The following GGA1 variants were observed in gnomAD, a reference collection of about 807,000 sequenced individuals.
GGA1 encodes golgi associated, gamma adaptin ear containing, ARF binding protein 1.
In GGA1, 18 loss-of-function variants were observed where a neutral mutation model predicts 76.9. That is an observed-to-expected ratio of 0.23 (90% CI 0.16 to 0.35). The LOEUF is 0.35. Ranked by LOEUF, GGA1 falls within the 10% of genes least tolerant of loss-of-function variation. GGA1 has a pLI of 1.00. For synonymous variants in GGA1, 342 were observed against 354.7 expected (o/e 0.96, Z 0.40); for missense variants, 755 against 859.0 (o/e 0.88, Z 1.51).
chr22:37,626,002 T>G (rs1179276717), intron 11 of GGA1, 53 bp downstream of exon 11: 2 of 1,457,556 alleles, frequency 1.4e-6, no homozygotes, highest in Non-Finnish European at 1.9e-6. Context: ...AGATGGGGCA[T>G]GATCCCAGGG....
rs745918798 is a variant in GGA1 at position 37,620,936 on chromosome 22, A to G, written c.528+23A>G. On this transcript the variant is annotated intron_variant, in intron 6 of 16. Coordinates refer to ENST00000343632, the MANE Select transcript of GGA1 (RefSeq NM_013365.5). ...AAGGTGAGACTCCAAGGAGGCACATATGGGGACTCTGAGCCCAGGTGGGGG... is the reference window on the plus strand; with the variant it reads ...AAGGTGAGACTCCAAGGAGGCACATGTGGGGACTCTGAGCCCAGGTGGGGG... 27 of 1,444,902 alleles carry G rather than the reference A, an allele frequency of 1.9e-5. No homozygotes were observed. In the African/African-American group the frequency reaches 3.1e-4, roughly 16 times the overall value. 89.5% of individuals were successfully genotyped at this position (1,444,902 alleles called of 1,614,324 possible). A position where few individuals can be genotyped will look rare whatever the true frequency, so the allele number is the denominator to read the frequency against.
At position 37,623,353 on chromosome 22, in the gene GGA1, G is replaced by C; in HGVS notation, c.636G>C (p.Ser212=). ...QEDQKRMEKI[S]KRVNAIEEVN... is the part of the protein sequence containing the mutation. ...ACCAGAAGCGGATGGAGAAGATCTC[G>C]AAGAGGGTGAATGCCATCGAGGAGG... is the stretch of plus-strand genomic sequence containing the variant. The change falls in exon 8 of 17, where the codon TCG becomes TCC. Residue 212 remains serine (S), a synonymous_variant. Transcript: ENST00000343632. The surrounding 1 kb of genome is among the most constrained non-coding windows in gnomAD (Gnocchi z 4.6). 1 of 1,614,020 alleles carries C rather than the reference G, an allele frequency of 6.2e-7. No individual in the cohort carries two copies. Among genetic ancestry groups the C allele is most frequent in the Non-Finnish European group, 8.5e-7 (1 of 1,179,920 alleles).
Position 37,633,185 on chromosome 22 carries a change from G to C in GGA1, c.*474G>C, listed in dbSNP as rs913618462. ...TCCATAGGAACCCAGTGACTGGGGG[G>C]TGACGCCTACACCCCCAGCTATTTG... On this transcript the variant is annotated 3_prime_UTR_variant, in exon 17 of 17. Transcript: ENST00000343632. 2 of 157,854 alleles carry C rather than the reference G, an allele frequency of 1.3e-5. No homozygotes were observed. Among genetic ancestry groups the C allele is most frequent in the African/African-American group, 4.8e-5 (2 of 41,550 alleles). The allele number at this position is 157,854 out of a possible 1,614,324, so 9.8% of individuals were successfully genotyped here. A position where few individuals can be genotyped will look rare whatever the true frequency, so the allele number is the denominator to read the frequency against.
chr22:37,615,487 CG>C lies in GGA1; in HGVS notation c.128+1216del, dbSNP rs1928602290. 2.0e-5 allele frequency among the ~76,000 whole-genome samples: 3 copies of C among 151,938 alleles called. No individual in the cohort carries two copies. In the South Asian group the frequency reaches 6.2e-4, roughly 32 times the overall value. ...ATAAATAAATAATAAAAAATAAGGC[CG>C]GGTGTGGTGGCTTACGTCTATAATC... On this transcript the variant is annotated intron_variant, in intron 2 of 16. Transcript: ENST00000343632.
At chr22:37,616,856 G>A in intron 2 of GGA1, 66 bp from the exon 3 acceptor site, 2 of 1,477,352 alleles carry the variant, frequency 1.4e-6, no homozygotes, top group Non-Finnish European at 1.8e-6. Context: ...AGCGGCCTGG[G>A]GTCGTGGCCC....
rs1926890859 is a variant in GGA1 at position 37,608,855 on chromosome 22, T to G, written c.-6T>G. The G allele has an allele frequency of 2.3e-6, 3 of 1,300,698 alleles. No individual in the cohort carries two copies. The highest frequency in any genetic ancestry group is 2.9e-6 in the Non-Finnish European group (3 of 1,026,164). 80.6% of individuals were successfully genotyped at this position (1,300,698 alleles called of 1,614,324 possible). On this transcript the variant is annotated 5_prime_UTR_variant, in exon 1 of 17. Coordinates refer to ENST00000343632, the MANE Select transcript of GGA1 (RefSeq NM_013365.5). ...GGGCGGTGCCGAGGCTGGGGGCCGG[T>G]GGCGGATGGAGCCCGCGATGGAGCC...
At chr22:37,631,797 G>A (rs1410154973) in intron 14 of GGA1, among the ~76,000 whole-genome samples, 199 bp from the exon 15 acceptor site, 1 of 152,178 alleles carries the variant, frequency 6.6e-6, no homozygotes, top group African/African-American at 2.4e-5. Context: ...TCAGACTGGG[G>A]GTTCACCTGC....
In GGA1 at chr22:37,625,458, T is replaced by TG. The variant is rs532166783; in HGVS notation, c.941-333dup. 1.6e-4 allele frequency among the ~76,000 whole-genome samples: 24 copies of TG among 151,900 alleles called. No homozygotes were observed. In the East Asian group the frequency reaches 2.9e-3, roughly 18 times the overall value. On this transcript the variant is annotated intron_variant, in intron 10 of 16. Coordinates refer to ENST00000343632, the MANE Select transcript of GGA1 (RefSeq NM_013365.5). The surrounding 1 kb of genome is among the most constrained non-coding windows in gnomAD (Gnocchi z 4.1). ...TCTAATAAGGGTAAGATGGCAGCCT[T>TG]GGGGGGTCACAAAAGGGGTTAGAAT...
At position 37,616,878 on chromosome 22, in the gene GGA1, G is replaced by A. The variant is rs1928898119; in HGVS notation, c.129-44G>A. 3.2e-6 allele frequency: 5 copies of A among 1,549,022 alleles called. No homozygotes were observed. The East Asian group carries it at 9.6e-5, about 30-fold the overall frequency. On this transcript the variant is annotated intron_variant, in intron 2 of 16. Transcript: ENST00000343632. ...TGGGGTCGTGGCCCTAGGGTGACCG[G>A]GACTCCGTGGCGACTCTGGCTCTGT...
In GGA1 at chr22:37,608,917, A is replaced by AG. The variant is rs1244563842; in HGVS notation, c.43+18dup. The AG allele has an allele frequency of 2.3e-5, 30 of 1,296,576 alleles. No homozygotes were observed. Among genetic ancestry groups the AG allele is most frequent in the Non-Finnish European group, 2.6e-5 (27 of 1,024,322 alleles). The allele number at this position is 1,296,576 out of a possible 1,614,324, so 80.3% of individuals were successfully genotyped here. A position where few individuals can be genotyped will look rare whatever the true frequency, so the allele number is the denominator to read the frequency against. ...AGGCGCGAATCAGTGAGTGTCCGGG[A>AG]GGGGCGCGGGCCGGACCGGAACCGG... On this transcript the variant is annotated intron_variant, in intron 1 of 16. Coordinates refer to ENST00000343632, the MANE Select transcript of GGA1 (RefSeq NM_013365.5).
chr22:37,621,669 T>C lies in GGA1; in HGVS notation c.582T>C (p.Asn194=), dbSNP rs960481770. 4 of 1,555,936 alleles carry C rather than the reference T, an allele frequency of 2.6e-6. No individual in the cohort carries two copies. The highest frequency in any genetic ancestry group is 1.9e-5 in the Admixed American group (1 of 51,322). The change falls in exon 7 of 17, where the codon AAT becomes AAC. Residue 194 remains asparagine (N), a synonymous_variant. Coordinates refer to ENST00000343632, the MANE Select transcript of GGA1 (RefSeq NM_013365.5). ...SSHPEDLRAA[N]KLIKEMVQED... ...ATCCCGAAGACCTCCGCGCAGCCAATAAGCTCATCAAAGAGATGGTGCAGG... is the reference window on the plus strand; with the variant it reads ...ATCCCGAAGACCTCCGCGCAGCCAACAAGCTCATCAAAGAGATGGTGCAGG...
At position 37,629,479 on chromosome 22, in the gene GGA1, C is replaced by A; in HGVS notation, c.1111C>A (p.Pro371Thr). 1.3e-6 allele frequency: 2 copies of A among 1,591,912 alleles called. No homozygotes were observed. Among genetic ancestry groups the A allele is most frequent in the Middle Eastern group, 1.7e-4 (1 of 5,992 alleles). Residue 371 changes from proline (P) to threonine (T), a missense_variant, in exon 12 of 17, where the codon CCC becomes ACC. By Grantham distance (38) the Pro-to-Thr change is conservative. Transcript: ENST00000343632. Reference protein sequence around the residue: ...LMSLGLSDPTPPSGPSLDGTG... With the variant: ...LMSLGLSDPTTPSGPSLDGTG... ...CCCCTCAGGCCTCAGTGACCCCACACCCCCTTCAGGCCCAAGCCTGGATGG... is the reference window on the plus strand; with the variant it reads ...CCCCTCAGGCCTCAGTGACCCCACAACCCCTTCAGGCCCAAGCCTGGATGG...
chr22:37,612,391 G>C (rs897595701), intron 1 of GGA1: 2 of 147,390 alleles, frequency 1.4e-5, no homozygotes, highest in Admixed American at 1.4e-4. Flanking sequence ...AGAATGGCGT[G>C]AACCTGGGAG....
chr22:37,625,073 C>T lies in GGA1; in HGVS notation c.937C>T (p.Pro313Ser). ...VNGDATAGSI[P>S]GSTSALLDLS... ...CGGTGATGCCACAGCCGGCTCCATC[C>T]CTGGTGAGGAGGTGGCAGGAGAGCT... The change falls in exon 10 of 17, where the codon CCT becomes TCT. Residue 313 changes from proline (P) to serine (S), a missense_variant. Pro to Ser is a moderately conservative substitution (Grantham distance 74). Coordinates refer to ENST00000343632, the MANE Select transcript of GGA1 (RefSeq NM_013365.5). The surrounding 1 kb of genome is among the most constrained non-coding windows in gnomAD (Gnocchi z 4.1). 1.3e-6 allele frequency: 2 copies of T among 1,589,394 alleles called. No individual in the cohort carries two copies. Among genetic ancestry groups the T allele is most frequent in the Non-Finnish European group, 1.7e-6 (2 of 1,168,322 alleles).
At chr22:37,612,969 C>T in intron 1 of GGA1, 1 of 985,146 alleles carries the variant, frequency 1.0e-6, no homozygotes. Flanking sequence ...ATTCAGTCTT[C>T]CCCAGAACCT....
Position 37,630,923 on chromosome 22 carries a change from C to T in GGA1, c.1352C>T (p.Pro451Leu). 6.2e-7 allele frequency: 1 copy of T among 1,611,894 alleles called. No homozygotes were observed. The highest frequency in any genetic ancestry group is 8.5e-7 in the Non-Finnish European group (1 of 1,179,400). Residue 451 changes from proline to leucine, a missense_variant, in exon 14 of 17, where the codon CCC (proline) becomes CTC (leucine). Pro to Leu is a moderately conservative substitution (Grantham distance 98, BLOSUM62 -3). Coordinates refer to ENST00000343632, the MANE Select transcript of GGA1 (RefSeq NM_013365.5). ...TTAAGGGAGAAGCAGCAGCCAACCC[C>T]CCGGCTCACACTCCGGGACCTGCAG... ...QVRWEKQQPTPRLTLRDLQNK... is the reference protein window; with the variant it reads ...QVRWEKQQPTLRLTLRDLQNK...
At chr22:37,609,065 A>T (rs1476142730) in intron 1 of GGA1, 162 bp downstream of exon 1, 5 of 1,487,472 alleles carry the variant, frequency 3.4e-6, no homozygotes, top group Non-Finnish European at 4.5e-6. Flanking sequence ...CCCTGGAGCG[A>T]TGGAGGACCC....
rs574722460 is a variant in GGA1 at position 37,633,106 on chromosome 22, G to GT, written c.*395_*396insT. On this transcript the variant is annotated 3_prime_UTR_variant, in exon 17 of 17. Transcript: ENST00000343632. Reference sequence around the variant, plus strand: ...ACCTGTCTCTTATGCCTTATGGGAAGGCCCAGCCATAACTCGGGGGCCATG... The same window carrying GT: ...ACCTGTCTCTTATGCCTTATGGGAAGTGCCCAGCCATAACTCGGGGGCCATG... 41 of 186,362 alleles carry GT rather than the reference G, an allele frequency of 2.2e-4. No homozygotes were observed. In the South Asian group the frequency reaches 4.8e-3, roughly 22 times the overall value. 11.5% of individuals were successfully genotyped at this position (186,362 alleles called of 1,614,324 possible). A position where few individuals can be genotyped will look rare whatever the true frequency, so the allele number is the denominator to read the frequency against.
In GGA1 at chr22:37,623,182, G is replaced by T; in HGVS notation, c.610-145G>T. On this transcript the variant is annotated intron_variant, in intron 7 of 16. Coordinates refer to ENST00000343632, the MANE Select transcript of GGA1 (RefSeq NM_013365.5). The surrounding 1 kb of genome is among the most constrained non-coding windows in gnomAD (Gnocchi z 4.6). ...CCTAGGCATGAGGGGCTCCTGGCAGGGCCTGCTGGAGCCCCACCCAGAGTG... is the reference window on the plus strand; with the variant it reads ...CCTAGGCATGAGGGGCTCCTGGCAGTGCCTGCTGGAGCCCCACCCAGAGTG... The T allele has an allele frequency of 1.3e-6, 1 of 791,060 alleles. No homozygotes were observed. The highest frequency in any genetic ancestry group is 2.5e-5 in the East Asian group (1 of 40,686). The allele number at this position is 791,060 out of a possible 1,614,324, so 49.0% of individuals were successfully genotyped here. A position where few individuals can be genotyped will look rare whatever the true frequency, so the allele number is the denominator to read the frequency against.
Sources: gnomAD v4.1 joint callset for allele counts (sites outside exome capture counted in the v4.1 genomes callset) on GRCh38, gnomAD v4.1.1 for gene constraint, Gnocchi (gnomAD v3.1) non-coding constraint, MANE v1.5 for transcripts, NCBI Gene and HGNC (gene_info 2026-07-23, HGNC 2026-07-21) for gene names.